The following DNAJC5 variants were observed in gnomAD, a reference collection of about 807,000 sequenced individuals.
The protein encoded by DNAJC5 is DnaJ heat shock protein family (Hsp40) member C5.
DNAJC5 carries 1 observed loss-of-function variant against 23.2 expected under a neutral mutation model. The observed-to-expected ratio is 0.04, with a 90% CI of 0.02 to 0.20. DNAJC5 has a LOEUF of 0.20. Ranked by LOEUF, DNAJC5 falls within the 10% of genes least tolerant of loss-of-function variation. The pLI, the probability that DNAJC5 is intolerant of heterozygous loss-of-function variation, is 1.00. For missense variants in DNAJC5, 180 were observed against 267.0 expected (o/e 0.67, Z 2.27); for synonymous variants, 136 against 120.0 (o/e 1.13, Z -0.87).
intron 1 of DNAJC5, among the ~76,000 whole-genome samples, chr20:63,905,223 C>T (rs1386246465): frequency 6.6e-6 from 1 of 151,476 alleles, no homozygotes; most frequent in Non-Finnish European, 1.5e-5. Flanking sequence ...TCAAGTGACT[C>T]TCCTGCCTCA....
In DNAJC5 at chr20:63,928,504, C is replaced by T. The variant is rs373983067; in HGVS notation, c.107+52C>T. ...TCCCCCCAGGAAGACACACATGCCC[C>T]GTGTGGTTTAGTCTGCATTTTACCA... On this transcript the variant is annotated intron_variant, in intron 2 of 4. Coordinates refer to ENST00000360864, the MANE Select transcript of DNAJC5 (RefSeq NM_025219.3). The surrounding 1 kb of genome is among the most constrained non-coding windows in gnomAD (Gnocchi z 4.6). 136 of 1,469,330 alleles carry T rather than the reference C, an allele frequency of 9.3e-5. No individual in the cohort carries two copies. The African/African-American group carries it at 1.3e-3, about 14-fold the overall frequency. The allele number at this position is 1,469,330 out of a possible 1,614,324, so 91.0% of individuals were successfully genotyped here. A position where few individuals can be genotyped will look rare whatever the true frequency, so the allele number is the denominator to read the frequency against.
chr20:63,935,329 G>C lies in DNAJC5; in HGVS notation c.*3761G>C, dbSNP rs943074392. 1 of 152,342 alleles carries C rather than the reference G, an allele frequency of 6.6e-6. No homozygotes were observed. The highest frequency in any genetic ancestry group is 2.4e-5 in the African/African-American group (1 of 41,466). 9.4% of individuals were successfully genotyped at this position (152,342 alleles called of 1,614,324 possible). The stretch of plus-strand genomic sequence containing the variant: ...TTGGGAGTCGGGCAGGGACCTGCAG[G>C]AGGCTTTCCCAGCAGGTGCACAGAA... On this transcript the variant is annotated 3_prime_UTR_variant, in exon 5 of 5. Coordinates refer to ENST00000360864, the MANE Select transcript of DNAJC5 (RefSeq NM_025219.3).
Position 63,930,841 on chromosome 20 carries a change from CT to C in DNAJC5, c.322-9del. 6.2e-7 allele frequency: 1 copy of C among 1,612,096 alleles called. No individual in the cohort carries two copies. The highest frequency in any genetic ancestry group is 8.5e-7 in the Non-Finnish European group (1 of 1,179,882). ...GGAGGCCATGCAACACCACCTTCTT[CT>C]CCCCCCAGGCCCTGTTTGTCTTCTG... On this transcript the variant is annotated splice_polypyrimidine_tract_variant and intron_variant, in intron 3 of 4. Coordinates refer to ENST00000360864, the MANE Select transcript of DNAJC5 (RefSeq NM_025219.3).
rs2053702157 is a variant in DNAJC5 at position 63,934,557 on chromosome 20, C to T, written c.*2989C>T. On this transcript the variant is annotated 3_prime_UTR_variant, in exon 5 of 5. Transcript: ENST00000360864. ...AGGCGTAGGAGCGGCCCTGCGGGCC[C>T]TTTCACGGCAGCTGCTGCTGTATAG... 6.6e-6 allele frequency: 1 copy of T among 152,278 alleles called. No homozygotes were observed. Among genetic ancestry groups the T allele is most frequent in the African/African-American group, 2.4e-5 (1 of 41,476 alleles). The allele number at this position is 152,278 out of a possible 1,614,324, so 9.4% of individuals were successfully genotyped here. A position where few individuals can be genotyped will look rare whatever the true frequency, so the allele number is the denominator to read the frequency against.
chr20:63,911,190 G>A (rs941181725), intron 1 of DNAJC5, among the ~76,000 whole-genome samples: 1 of 152,158 alleles, frequency 6.6e-6, no homozygotes, highest in Admixed American at 6.5e-5. Context: ...AATTAAAAGG[G>A]CTTCAGCATG....
chr20:63,901,694 C>G (rs2053414173), intron 1 of DNAJC5, among the ~76,000 whole-genome samples: 1 of 152,224 alleles, frequency 6.6e-6, no homozygotes, highest in Admixed American at 6.5e-5. Context: ...TTTGCTCCTC[C>G]TGTTATTGGG....
chr20:63,921,852 C>G (rs1410239721), intron 1 of DNAJC5, among the ~76,000 whole-genome samples: 1 of 151,974 alleles, frequency 6.6e-6, no homozygotes, highest in Non-Finnish European at 1.5e-5. Flanking sequence ...AATTTCAGTT[C>G]ACTGCAACCT....
At chr20:63,903,772 A>G (rs2146273458) in intron 1 of DNAJC5, among the ~76,000 whole-genome samples, 1 of 152,286 alleles carries the variant, frequency 6.6e-6, no homozygotes, top group South Asian at 2.1e-4. Flanking sequence ...CAACATGGCG[A>G]AACCACGTCT....
intron 1 of DNAJC5, among the ~76,000 whole-genome samples, chr20:63,906,607 A>G (rs1600863036): frequency 6.6e-6 from 1 of 151,392 alleles, no homozygotes; most frequent in Non-Finnish European, 1.5e-5. Context: ...ACACGATGAA[A>G]CCCCGTCTCT....
chr20:63,912,585 C>T (rs1475350899), intron 1 of DNAJC5, among the ~76,000 whole-genome samples: 2 of 152,136 alleles, frequency 1.3e-5, no homozygotes, highest in African/African-American at 4.8e-5. Context: ...GTCTGAGTAT[C>T]CTTTGGCAGT....
chr20:63,903,904 G>C (rs116396747), intron 1 of DNAJC5, among the ~76,000 whole-genome samples: 2,868 of 152,236 alleles, frequency 0.019, 106 homozygotes, highest in African/African-American at 0.065. Context: ...TGGGTAACAT[G>C]AGGAAACCCC....
Position 63,931,300 on chromosome 20 carries a change from C to A in DNAJC5, c.494-165C>A. 1 of 817,720 alleles carries A rather than the reference C, an allele frequency of 1.2e-6. No homozygotes were observed. The highest frequency in any genetic ancestry group is 2.0e-6 in the Non-Finnish European group (1 of 497,906). 50.7% of individuals were successfully genotyped at this position (817,720 alleles called of 1,614,324 possible). On this transcript the variant is annotated intron_variant, in intron 4 of 4. Transcript: ENST00000360864. This position sits in a 1 kb window ranked among gnomAD's most constrained non-coding sequence, Gnocchi z 9.6. ...GGCGGGGCTGAGGGCCGAGGGCTGGCGGTGACCCAAGGCGACGGAGGAAAG... is the reference window on the plus strand; with the variant it reads ...GGCGGGGCTGAGGGCCGAGGGCTGGAGGTGACCCAAGGCGACGGAGGAAAG...
Position 63,928,340 on chromosome 20 carries a change from C to G in DNAJC5, c.-6C>G. 1 of 1,612,232 alleles carries G rather than the reference C, an allele frequency of 6.2e-7. No individual in the cohort carries two copies. The highest frequency in any genetic ancestry group is 8.5e-7 in the Non-Finnish European group (1 of 1,178,578). On this transcript the variant is annotated 5_prime_UTR_variant, in exon 2 of 5. Coordinates refer to ENST00000360864, the MANE Select transcript of DNAJC5 (RefSeq NM_025219.3). This position sits in a 1 kb window ranked among gnomAD's most constrained non-coding sequence, Gnocchi z 4.6. ...CTTTTTATTTTTTCTTCTAGAATAG[C>G]CTAACATGGCAGACCAGAGACAGCG...
At chr20:63,910,773 A>G (rs1193876419) in intron 1 of DNAJC5, among the ~76,000 whole-genome samples, 2 of 151,438 alleles carry the variant, frequency 1.3e-5, no homozygotes, top group Non-Finnish European at 2.9e-5. Flanking sequence ...CCCAGGTTCA[A>G]GCGATTCTCC....
intron 1 of DNAJC5, among the ~76,000 whole-genome samples, chr20:63,927,483 T>C (rs1600883483): frequency 6.6e-6 from 1 of 152,000 alleles, no homozygotes; most frequent in Non-Finnish European, 1.5e-5. Flanking sequence ...GAGGTTGTGG[T>C]GAGCCGAGAT....
chr20:63,911,495 C>G (rs1441835957), intron 1 of DNAJC5, among the ~76,000 whole-genome samples: 2 of 152,158 alleles, frequency 1.3e-5, no homozygotes, highest in Non-Finnish European at 2.9e-5. Context: ...TGCCATGGCT[C>G]CAGCTCAGAT....
rs2053645483 is a variant in DNAJC5 at position 63,929,573 on chromosome 20, T to C, written c.321+48T>C. 1 of 1,600,752 alleles carries C rather than the reference T, an allele frequency of 6.2e-7. No homozygotes were observed. ...GCGGGCACCCGAGTCACTCCTGCCG[T>C]GCGGGCACCCGAGTCTCTCCTGCCG... On this transcript the variant is annotated intron_variant, in intron 3 of 4. Transcript: ENST00000360864. This position sits in a 1 kb window ranked among gnomAD's most constrained non-coding sequence, Gnocchi z 8.6.
chr20:63,909,315 A>T (rs1413317952), intron 1 of DNAJC5, among the ~76,000 whole-genome samples: 1 of 151,232 alleles, frequency 6.6e-6, no homozygotes, highest in African/African-American at 2.4e-5. Flanking sequence ...TGGCTAACAC[A>T]GTGAAACCCC....
At chr20:63,909,444 A>G (rs2053468241) in intron 1 of DNAJC5, among the ~76,000 whole-genome samples, 1 of 152,202 alleles carries the variant, frequency 6.6e-6, no homozygotes, top group East Asian at 1.9e-4. Context: ...CGGAGCTTGC[A>G]GTGAGCCGAG....
Sources: allele counts gnomAD v4.1 joint callset (sites outside exome capture counted in the v4.1 genomes callset), GRCh38; gene constraint gnomAD v4.1.1; non-coding constraint Gnocchi (gnomAD v3.1); transcripts MANE v1.5; gene names NCBI Gene and HGNC (gene_info 2026-07-23, HGNC 2026-07-21).